The following UTP18 variants were observed in gnomAD, a reference collection of about 807,000 sequenced individuals.
UTP18 encodes the protein U3 small nucleolar RNA-associated protein 18 homolog.
A neutral mutation model predicts 61.1 loss-of-function variants in UTP18; 36 were observed. The ratio of observed to expected loss-of-function variants is 0.59; its 90% CI spans 0.45 to 0.78. The LOEUF (loss-of-function observed/expected upper bound fraction) is 0.78. Among genes scored for constraint, UTP18 ranks in the 30% least tolerant of loss-of-function variants. The pLI is 0.00. For missense variants in UTP18, 753 were observed against 693.9 expected (o/e 1.09, Z -0.96); for synonymous variants, 282 against 251.1 (o/e 1.12, Z -1.16).
intron 9 of UTP18, among the ~76,000 whole-genome samples, chr17:51,282,311 T>A (rs780807399): frequency 3.9e-5 from 6 of 152,208 alleles, no homozygotes; most frequent in Non-Finnish European, 7.3e-5. Context: ...AGGATTAATT[T>A]TAGCTTAACA....
Position 51,267,905 on chromosome 17 carries a change from C to T in UTP18, c.555-932C>T, listed in dbSNP as rs552957671. Among the ~76,000 whole-genome samples the T allele has an allele frequency of 1.7e-3, 253 of 151,652 alleles. 1 individual carries two copies. The highest frequency in any genetic ancestry group is 3.2e-3 in the Non-Finnish European group (215 of 67,952). On this transcript the variant is annotated intron_variant, in intron 3 of 13. Transcript: ENST00000225298. ...TCCAGGTTTCTAGTTGTTTATGGCT[C>T]GTGGGCTTAGTTTGGTGAGCTAGTC...
At chr17:51,283,220 G>A (rs1305023576) in intron 9 of UTP18, among the ~76,000 whole-genome samples, 2 of 150,522 alleles carry the variant, frequency 1.3e-5, no homozygotes, top group East Asian at 3.9e-4. Flanking sequence ...CCAGGCTGGA[G>A]TGCAGTGGTG....
At chr17:51,266,369 A>G in intron 3 of UTP18, 89 bp downstream of exon 3, 8 of 889,246 alleles carry the variant, frequency 9.0e-6, no homozygotes, top group Non-Finnish European at 1.3e-5. Context: ...GTAGTTTTCC[A>G]TTTTGAAACA....
At chr17:51,285,435 A>G (rs1006648125) in intron 10 of UTP18, 67 bp downstream of exon 10, 1 of 1,569,720 alleles carries the variant, frequency 6.4e-7, no homozygotes, top group Non-Finnish European at 8.7e-7. Context: ...GAGGAATTGA[A>G]TATACTAGGT....
At chr17:51,268,997 G>A (rs1238900534) in intron 4 of UTP18, 93 bp downstream of exon 4, 3 of 1,323,174 alleles carry the variant, frequency 2.3e-6, no homozygotes, top group Admixed American at 1.8e-5. Context: ...TTAAAACCTG[G>A]CATTTCTTGC....
rs1904402431 is a variant in UTP18 at position 51,268,856 on chromosome 17, G to A, written c.574G>A (p.Gly192Arg). 6.2e-7 allele frequency: 1 copy of A among 1,613,946 alleles called. No individual in the cohort carries two copies. The highest frequency in any genetic ancestry group is 1.3e-5 in the African/African-American group (1 of 75,038). Reference sequence around the variant, plus strand: ...GCTTAGATTCCAACATGCCATGGGAGGAGTACCTGCCTGGGCAGAGACTAC... The same window carrying A: ...GCTTAGATTCCAACATGCCATGGGAAGAGTACCTGCCTGGGCAGAGACTAC... ...LKEEFQHAMGGVPAWAETTKR... is the reference protein window; with the variant it reads ...LKEEFQHAMGRVPAWAETTKR... The change falls in exon 4 of 14, where the codon GGA (glycine) becomes AGA (arginine). Residue 192 changes from glycine to arginine, a missense_variant. By Grantham distance (125) the Gly-to-Arg change is moderately radical. Transcript: ENST00000225298.
At chr17:51,295,497 A>G (rs888311085) in intron 12 of UTP18, among the ~76,000 whole-genome samples, 22 of 152,174 alleles carry the variant, frequency 1.4e-4, no homozygotes, top group African/African-American at 4.8e-4. Flanking sequence ...TTTGTCAAAG[A>G]TCAGATGGTT....
chr17:51,276,280 C>G (rs1053904763), intron 6 of UTP18, among the ~76,000 whole-genome samples: 3 of 152,194 alleles, frequency 2.0e-5, no homozygotes, highest in African/African-American at 7.2e-5. Flanking sequence ...CGCTCACCAT[C>G]CCTTGCCCAC....
At chr17:51,285,509 T>G in intron 10 of UTP18, 141 bp downstream of exon 10, 2 of 961,594 alleles carry the variant, frequency 2.1e-6, no homozygotes, top group Middle Eastern at 2.5e-4. Context: ...CCAGCTGAGC[T>G]TTTTTCATTT....
intron 3 of UTP18, among the ~76,000 whole-genome samples, chr17:51,266,855 CTTTAAA>C (rs2055566634): frequency 6.6e-6 from 1 of 151,908 alleles, no homozygotes. Flanking sequence ...ATTTTATGTC[CTTTAAA>C]TTTATATATT....
intron 2 of UTP18, 77 bp from the exon 3 acceptor site, chr17:51,266,104 TC>T: frequency 9.1e-7 from 1 of 1,098,760 alleles, no homozygotes; most frequent in East Asian, 3.0e-5. Context: ...TAAACATTTT[TC>T]TCCAAGTGCT....
intron 3 of UTP18, 118 bp downstream of exon 3, chr17:51,266,398 T>G: frequency 1.6e-6 from 1 of 627,964 alleles, no homozygotes; most frequent in East Asian, 3.6e-5. Context: ...ATTGCTATTG[T>G]GGGCAGTGAC....
chr17:51,297,660 C>A (rs1905403270), intron 13 of UTP18, 122 bp from the exon 14 acceptor site: 1 of 399,004 alleles, frequency 2.5e-6, no homozygotes, highest in African/African-American at 2.2e-5. Context: ...TTGGGCAAAG[C>A]TTTAGCAAGG....
chr17:51,283,148 C>A (rs9891795), intron 9 of UTP18, among the ~76,000 whole-genome samples: 2 of 149,836 alleles, frequency 1.3e-5, no homozygotes, highest in African/African-American at 4.9e-5. Context: ...GGATTACAGG[C>A]GTGAGCCACC....
intron 5 of UTP18, among the ~76,000 whole-genome samples, chr17:51,273,888 C>G (rs986462234): frequency 6.6e-6 from 1 of 152,148 alleles, no homozygotes; most frequent in African/African-American, 2.4e-5. Context: ...TGTGACTGGA[C>G]TCTTTACTTC....
chr17:51,260,733 C>G lies in UTP18; in HGVS notation c.149C>G (p.Pro50Arg), dbSNP rs2055431923. The G allele has an allele frequency of 1.3e-6, 2 of 1,591,068 alleles. No homozygotes were observed. The highest frequency in any genetic ancestry group is 1.7e-6 in the Non-Finnish European group (2 of 1,169,794). Residue 50 changes from proline to arginine, a missense_variant, in exon 1 of 14, where the codon CCG becomes CGG. By Grantham distance (103) the Pro-to-Arg change is moderately radical. Transcript: ENST00000225298. ...QKPAPSSQRKPPARPSAAAAA... is the reference protein window; with the variant it reads ...QKPAPSSQRKRPARPSAAAAA... ...CCTGCCCCTTCATCCCAGCGGAAAC[C>G]GCCGGCCCGGCCGAGCGCGGCGGCC...
intron 1 of UTP18, 59 bp from the exon 2 acceptor site, chr17:51,263,215 G>A: frequency 7.0e-7 from 1 of 1,421,470 alleles, no homozygotes; most frequent in Non-Finnish European, 9.9e-7. Context: ...TAAGGCCTAT[G>A]TGTCTGCAGT....
At chr17:51,291,655 C>T (rs541153840) in intron 11 of UTP18, among the ~76,000 whole-genome samples, 2 of 151,924 alleles carry the variant, frequency 1.3e-5, no homozygotes, top group South Asian at 2.1e-4. Flanking sequence ...GAATTGCTTG[C>T]CCCCAAGAGG....
chr17:51,262,007 A>G (rs1389569537), intron 1 of UTP18, among the ~76,000 whole-genome samples: 2 of 152,186 alleles, frequency 1.3e-5, no homozygotes, highest in Non-Finnish European at 2.9e-5. Context: ...GTAGTAGAGC[A>G]AGTAGAAACC....
Sources: gnomAD v4.1 joint callset for allele counts (sites outside exome capture counted in the v4.1 genomes callset) on GRCh38, gnomAD v4.1.1 for gene constraint, MANE v1.5 for transcripts, NCBI Gene and HGNC (gene_info 2026-07-23, HGNC 2026-07-21) for gene names.